Variants in TMEM94 observed in about 807,000 individuals in gnomAD.
TMEM94 encodes transmembrane protein 94.
A neutral mutation model predicts 158.6 loss-of-function variants in TMEM94; 81 were observed. The observed-to-expected ratio is 0.51, with a 90% CI of 0.43 to 0.61. The LOEUF (loss-of-function observed/expected upper bound fraction) is 0.61. Ranked by LOEUF, TMEM94 falls within the 20% of genes least tolerant of loss-of-function variation. The pLI is 0.00. For synonymous variants in TMEM94, 751 were observed against 730.7 expected (o/e 1.03, Z -0.45); for missense variants, 1,435 against 1,762.0 (o/e 0.81, Z 3.32).
At chr17:75,459,008 G>T (rs1447981214) in intron 1 of TMEM94, among the ~76,000 whole-genome samples, 3 of 149,582 alleles carry the variant, frequency 2.0e-5, no homozygotes, top group Non-Finnish European at 3.0e-5. Context: ...AGTGAGCCGA[G>T]ATCGCGCCAC....
intron 1 of TMEM94, among the ~76,000 whole-genome samples, 171 bp from the exon 2 acceptor site, chr17:75,471,629 G>A (rs957026928): frequency 2.0e-4 from 31 of 151,684 alleles, no homozygotes; most frequent in Admixed American, 1.9e-3. Flanking sequence ...CAAGAGAATC[G>A]CTTGAACCCA....
rs1424900654 is a variant in TMEM94, at chr17:75,489,159, C to CA, written c.765-106dup. 6.3e-6 allele frequency: 7 copies of CA among 1,114,174 alleles called. No homozygotes were observed. The East Asian group carries it at 1.3e-4, about 20-fold the overall frequency. 69.0% of individuals were successfully genotyped at this position (1,114,174 alleles called of 1,614,324 possible). A position where few individuals can be genotyped will look rare whatever the true frequency, so the allele number is the denominator to read the frequency against. On this transcript the variant is annotated intron_variant, in intron 7 of 31. Coordinates refer to ENST00000314256, the MANE Select transcript of TMEM94 (RefSeq NM_014738.6). The surrounding 1 kb of genome is among the most constrained non-coding windows in gnomAD (Gnocchi z 5.0). Reference sequence around the variant, plus strand: ...GGGCAGAGCGTGGAACTGCAGGACTCACGGTGCTTGAAGAAGCGGTATCTG... The same window carrying CA: ...GGGCAGAGCGTGGAACTGCAGGACTCAACGGTGCTTGAAGAAGCGGTATCTG...
chr17:75,481,662 A>G (rs2051169751), intron 2 of TMEM94, among the ~76,000 whole-genome samples: 1 of 152,200 alleles, frequency 6.6e-6, no homozygotes. Context: ...ACTCTGGGAG[A>G]CAGAACTGTG....
Position 75,499,100 on chromosome 17 carries a change from C to T in TMEM94, c.3998+18C>T, listed in dbSNP as rs374336869. ...GAGATTCGGTGAGCTGTCAGCAGGG[C>T]GCCTCCCTCTGGGCTCAGGCATGTT... On this transcript the variant is annotated intron_variant, in intron 31 of 31. Transcript: ENST00000314256. 145 of 1,574,508 alleles carry T rather than the reference C, an allele frequency of 9.2e-5. No homozygotes were observed. Among genetic ancestry groups the T allele is most frequent in the East Asian group, 2.0e-4 (9 of 44,394 alleles).
At chr17:75,477,764 A>C (rs1307664599) in intron 2 of TMEM94, among the ~76,000 whole-genome samples, 2 of 151,646 alleles carry the variant, frequency 1.3e-5, no homozygotes, top group Non-Finnish European at 2.9e-5. Flanking sequence ...AATTCCCAGC[A>C]CTTTGGGAGG....
At chr17:75,488,657 G>A (rs2051845239) in intron 6 of TMEM94, 102 bp from the exon 7 acceptor site, 2 of 1,389,676 alleles carry the variant, frequency 1.4e-6, no homozygotes, top group Non-Finnish European at 2.0e-6. Context: ...GCTAACTGAT[G>A]GCTCCTAACC....
Position 75,485,783 on chromosome 17 carries a change from C to T in TMEM94, c.145-88C>T. The T allele has an allele frequency of 6.7e-7, 1 of 1,481,840 alleles. No individual in the cohort carries two copies. The highest frequency in any genetic ancestry group is 9.1e-7 in the Non-Finnish European group (1 of 1,103,042). 91.8% of individuals were successfully genotyped at this position (1,481,840 alleles called of 1,614,324 possible). ...GTCAAAGAGAGGGGACCAAGGCGGC[C>T]ATGGGGGCTGGGAAGGGTGCCGGGG... On this transcript the variant is annotated intron_variant, in intron 3 of 31. Coordinates refer to ENST00000314256, the MANE Select transcript of TMEM94 (RefSeq NM_014738.6). This position sits in a 1 kb window ranked among gnomAD's most constrained non-coding sequence, Gnocchi z 5.5.
Position 75,488,135 on chromosome 17 carries a change from GT to G in TMEM94, c.612+2del. The G allele has an allele frequency of 6.2e-7, 1 of 1,614,076 alleles. No individual in the cohort carries two copies. Among genetic ancestry groups the G allele is most frequent in the South Asian group, 1.1e-5 (1 of 91,086 alleles). On this transcript the variant is annotated splice_donor_variant, in intron 6 of 31. Transcript: ENST00000314256. LOFTEE classifies it high-confidence loss of function. ...GTTTGCTTCTCTGAGGGGGATCAAG[GT>G]AGCTTGAGGCTTTCCTTCTCCCTTG...
At chr17:75,476,385 A>G (rs1284713346) in intron 2 of TMEM94, 2 of 680,446 alleles carry the variant, frequency 2.9e-6, no homozygotes, top group East Asian at 7.1e-5. Flanking sequence ...TTCTCTTCTC[A>G]ATGCTCCTGT....
At chr17:75,457,712 A>G (rs2049937642) in intron 1 of TMEM94, 1 of 152,276 alleles carries the variant, frequency 6.6e-6, no homozygotes, top group Non-Finnish European at 1.5e-5. Context: ...TAATCTTGGA[A>G]GATGGAAGCA....
At chr17:75,481,897 A>T (rs775268717) in intron 2 of TMEM94, among the ~76,000 whole-genome samples, 5 of 152,192 alleles carry the variant, frequency 3.3e-5, no homozygotes, top group Non-Finnish European at 7.3e-5. Context: ...GCTGCCTTTC[A>T]TGGGGCTCTT....
chr17:75,491,529 G>C lies in TMEM94; in HGVS notation c.1386+74G>C, dbSNP rs1340766620. 6 of 1,606,080 alleles carry C rather than the reference G, an allele frequency of 3.7e-6. No homozygotes were observed. In the African/African-American group the frequency reaches 4.0e-5, roughly 11 times the overall value. ...GCTGTTTAGCCTTGGAGCCTGGCCAGGGAGGGTGAGGTTTCGGAGGGCGAA... is the reference window on the plus strand; with the variant it reads ...GCTGTTTAGCCTTGGAGCCTGGCCACGGAGGGTGAGGTTTCGGAGGGCGAA... On this transcript the variant is annotated intron_variant, in intron 13 of 31. Coordinates refer to ENST00000314256, the MANE Select transcript of TMEM94 (RefSeq NM_014738.6). This position sits in a 1 kb window ranked among gnomAD's most constrained non-coding sequence, Gnocchi z 5.1.
At position 75,493,823 on chromosome 17, in the gene TMEM94, G is replaced by T; in HGVS notation, c.2314G>T (p.Val772Leu). The T allele has an allele frequency of 6.2e-7, 1 of 1,613,834 alleles. No individual in the cohort carries two copies. Among genetic ancestry groups the T allele is most frequent in the Non-Finnish European group, 8.5e-7 (1 of 1,180,018 alleles). ...TGGCAAGTGCATCGAGCTGGTACAG[G>T]TGCCCGGCCAAAGCAGCATCTTCAC... ...LNGKCIELVQVPGQSSIFTMC... is the reference protein window; with the variant it reads ...LNGKCIELVQLPGQSSIFTMC... Residue 772 changes from valine to leucine, a missense_variant, in exon 18 of 32, where the codon GTG (valine) becomes TTG (leucine). Transcript: ENST00000314256.
chr17:75,493,376 T>C, intron 16 of TMEM94, 115 bp from the exon 17 acceptor site: 1 of 1,070,566 alleles, frequency 9.3e-7, no homozygotes, highest in Non-Finnish European at 1.4e-6. Context: ...CCAGGGAGTC[T>C]CCTCCTCTGG....
rs2051772419 is a variant in TMEM94 at position 75,488,013 on chromosome 17, C to T, written c.491C>T (p.Ser164Phe). The part of the protein sequence containing the change: ...DLHMPFAPSW[S>F]LHWAYRDGHL... ...CACATGCCTTTTGCGCCATCCTGGT[C>T]CTTGCACTGGGCCTACAGAGACGGA... is the stretch of plus-strand genomic sequence containing the variant. The change falls in exon 6 of 32, where the codon TCC becomes TTC. Residue 164 changes from serine to phenylalanine, a missense_variant. Coordinates refer to ENST00000314256, the MANE Select transcript of TMEM94 (RefSeq NM_014738.6). 1 of 1,614,076 alleles carries T rather than the reference C, an allele frequency of 6.2e-7. No individual in the cohort carries two copies. The highest frequency in any genetic ancestry group is 1.1e-5 in the South Asian group (1 of 91,074).
intron 2 of TMEM94, among the ~76,000 whole-genome samples, chr17:75,473,325 G>C (rs1216022947): frequency 6.6e-6 from 1 of 152,220 alleles, no homozygotes; most frequent in Non-Finnish European, 1.5e-5. Context: ...TTGGCACAGA[G>C]GGAAAGCTAC....
In TMEM94 at chr17:75,496,728, A is replaced by G; in HGVS notation, c.3244-2A>G. 3 of 1,613,744 alleles carry G rather than the reference A, an allele frequency of 1.9e-6. No homozygotes were observed. Among genetic ancestry groups the G allele is most frequent in the Non-Finnish European group, 2.5e-6 (3 of 1,179,934 alleles). ...CCATAATCTGTCCCTCTTGGTCCCTAGGCTCGGCATGCCACCTATGGCATC... is the reference window on the plus strand; with the variant it reads ...CCATAATCTGTCCCTCTTGGTCCCTGGGCTCGGCATGCCACCTATGGCATC... On this transcript the variant is annotated splice_acceptor_variant, in intron 24 of 31. Coordinates refer to ENST00000314256, the MANE Select transcript of TMEM94 (RefSeq NM_014738.6). LOFTEE classifies it high-confidence loss of function.
At chr17:75,474,486 C>T (rs1035932766) in intron 2 of TMEM94, among the ~76,000 whole-genome samples, 3 of 152,050 alleles carry the variant, frequency 2.0e-5, no homozygotes, top group African/African-American at 7.2e-5. Context: ...ACTAAAAATA[C>T]AAAAATTAGC....
chr17:75,488,208 A>G, intron 6 of TMEM94, 74 bp downstream of exon 6: 1 of 1,450,298 alleles, frequency 6.9e-7, no homozygotes, highest in South Asian at 1.2e-5. Flanking sequence ...GGGTCCCCAG[A>G]CTTCATCCGG....
Sources: allele counts gnomAD v4.1 joint callset (sites outside exome capture counted in the v4.1 genomes callset), GRCh38; gene constraint gnomAD v4.1.1; non-coding constraint Gnocchi (gnomAD v3.1); transcripts MANE v1.5; gene names NCBI Gene and HGNC (gene_info 2026-07-23, HGNC 2026-07-21).